Variants in CSNK1G1 observed in about 807,000 individuals in gnomAD.
CSNK1G1 encodes casein kinase 1 gamma 1, also known as casein kinase I isoform gamma-1.
Under a neutral mutation model 59.6 loss-of-function variants are expected in CSNK1G1, and 22 were observed. That is an observed-to-expected ratio of 0.37 (90% CI 0.26 to 0.53). CSNK1G1 has a LOEUF of 0.53. Among genes scored for constraint, CSNK1G1 ranks in the 20% least tolerant of loss-of-function variants. The pLI, the probability that CSNK1G1 is intolerant of heterozygous loss-of-function variation, is 0.89. For missense variants in CSNK1G1, 384 were observed against 519.5 expected, an observed-to-expected ratio of 0.74 and a Z score of 2.54; for synonymous variants, 179 against 177.1, an observed-to-expected ratio of 1.01 and a Z score of -0.08.
chr15:64,255,446 G>A (rs1252369662), intron 3 of CSNK1G1, among the ~76,000 whole-genome samples: 1 of 152,096 alleles, frequency 6.6e-6, no homozygotes. Context: ...TCATGCTGAT[G>A]TTGAACAAGT....
chr15:64,312,917 C>A (rs958070035), intron 1 of CSNK1G1, among the ~76,000 whole-genome samples: 1 of 151,938 alleles, frequency 6.6e-6, no homozygotes, highest in African/African-American at 2.4e-5. Flanking sequence ...AAGAAAAAAA[C>A]AAACAACCCC....
At chr15:64,346,609 C>G (rs1466782984) in intron 1 of CSNK1G1, among the ~76,000 whole-genome samples, 1 of 151,904 alleles carries the variant, frequency 6.6e-6, no homozygotes, top group Non-Finnish European at 1.5e-5. Flanking sequence ...AGACGCACAC[C>G]ACCACACCCG....
At chr15:64,338,981 C>A (rs1456202157) in intron 1 of CSNK1G1, among the ~76,000 whole-genome samples, 5 of 151,954 alleles carry the variant, frequency 3.3e-5, no homozygotes, top group African/African-American at 1.2e-4. Context: ...CACGCCACTG[C>A]ACTACAGCCT....
intron 2 of CSNK1G1, among the ~76,000 whole-genome samples, chr15:64,281,817 AAAG>A (rs1894154153): frequency 6.6e-6 from 1 of 151,992 alleles, no homozygotes; most frequent in Non-Finnish European, 1.5e-5. Context: ...AAAAAAAAGA[AAAG>A]AAAAAGTTCT....
chr15:64,222,437 C>CAAAAAAAA (rs1170075981), intron 4 of CSNK1G1, among the ~76,000 whole-genome samples: 4 of 68,984 alleles, frequency 5.8e-5, no homozygotes, highest in Non-Finnish European at 1.1e-4. Context: ...ACAACACCAC[C>CAAAAAAAA]AAAAAAAAAA....
At chr15:64,287,190 G>A (rs1894474327) in intron 2 of CSNK1G1, among the ~76,000 whole-genome samples, 1 of 152,110 alleles carries the variant, frequency 6.6e-6, no homozygotes, top group Admixed American at 6.6e-5. Flanking sequence ...CAAGCTGGTT[G>A]TTCTCCCTAG....
intron 4 of CSNK1G1, among the ~76,000 whole-genome samples, chr15:64,224,573 T>C (rs2082432187): frequency 6.6e-6 from 1 of 152,296 alleles, no homozygotes; most frequent in Non-Finnish European, 1.5e-5. Context: ...AAATGTCTCT[T>C]TGCAACATGA....
At chr15:64,280,815 T>C (rs1361368883) in intron 2 of CSNK1G1, among the ~76,000 whole-genome samples, 1 of 152,158 alleles carries the variant, frequency 6.6e-6, no homozygotes, top group Non-Finnish European at 1.5e-5. Flanking sequence ...CATTGATGAG[T>C]GAATGGCTAA....
intron 4 of CSNK1G1, among the ~76,000 whole-genome samples, chr15:64,245,904 G>C (rs937331845): frequency 1.3e-5 from 2 of 152,172 alleles, no homozygotes; most frequent in African/African-American, 4.8e-5. Context: ...TTAAAAAGTT[G>C]ATCTCATATA....
At position 64,334,673 on chromosome 15, in the gene CSNK1G1, G is replaced by A. The variant is rs191959667; in HGVS notation, c.-225+21315C>T. Among the ~76,000 whole-genome samples the A allele has an allele frequency of 2.5e-3, 387 of 152,210 alleles. 2 individuals carry two copies. Among genetic ancestry groups the A allele is most frequent in the Admixed American group, 5.3e-3 (81 of 15,272 alleles). ...ACGTGCAGTTCACAACAGGGTTCAC[G>A]CTCCTATGAGAATCTAATGCTGCCA... is the stretch of plus-strand genomic sequence containing the variant. On this transcript the variant is annotated intron_variant, in intron 1 of 11. Coordinates refer to ENST00000303052, the MANE Select transcript of CSNK1G1 (RefSeq NM_022048.5).
intron 1 of CSNK1G1, among the ~76,000 whole-genome samples, chr15:64,350,447 G>GC (rs1898225984): frequency 6.6e-6 from 1 of 151,744 alleles, no homozygotes; most frequent in Non-Finnish European, 1.5e-5. Flanking sequence ...CTTGCAGTGA[G>GC]CCAAGATCAC....
chr15:64,207,685 C>T, intron 6 of CSNK1G1, 91 bp from the exon 7 acceptor site: 1 of 917,780 alleles, frequency 1.1e-6, no homozygotes, highest in South Asian at 1.4e-5. Context: ...AACCCTTCGG[C>T]TCTGGAAAGG....
chr15:64,277,870 TAATA>T, intron 2 of CSNK1G1, among the ~76,000 whole-genome samples: 2 of 138,840 alleles, frequency 1.4e-5, no homozygotes, highest in African/African-American at 5.5e-5. Context: ...ATATATTTAA[TAATA>T]ATATTGATAT....
At chr15:64,230,050 T>C (rs1596129426) in intron 4 of CSNK1G1, among the ~76,000 whole-genome samples, 1 of 149,842 alleles carries the variant, frequency 6.7e-6, no homozygotes, top group African/African-American at 2.5e-5. Context: ...GCCTCTGGAG[T>C]AGCTGGGATT....
intron 10 of CSNK1G1, among the ~76,000 whole-genome samples, chr15:64,198,157 G>T (rs987595999): frequency 2.0e-5 from 3 of 149,910 alleles, no homozygotes; most frequent in Non-Finnish European, 4.4e-5. Context: ...GCTCTTTGAG[G>T]ACAAGGACTC....
At chr15:64,283,464 T>C (rs1651731610) in intron 2 of CSNK1G1, among the ~76,000 whole-genome samples, 1 of 152,104 alleles carries the variant, frequency 6.6e-6, no homozygotes, top group Non-Finnish European at 1.5e-5. Flanking sequence ...TGCCTCAGCC[T>C]CCTGAGTAAC....
intron 11 of CSNK1G1, among the ~76,000 whole-genome samples, chr15:64,179,911 G>C (rs1331304081): frequency 6.6e-6 from 1 of 152,162 alleles, no homozygotes; most frequent in Non-Finnish European, 1.5e-5. Context: ...TCATTTGAGA[G>C]TGAACAAAAT....
At chr15:64,225,207 C>G (rs1271282788) in intron 4 of CSNK1G1, among the ~76,000 whole-genome samples, 1 of 151,852 alleles carries the variant, frequency 6.6e-6, no homozygotes, top group Non-Finnish European at 1.5e-5. Flanking sequence ...TGGGGTTTCA[C>G]CATGTTAGCC....
chr15:64,301,935 T>C (rs1182208670), intron 1 of CSNK1G1, among the ~76,000 whole-genome samples: 1 of 151,082 alleles, frequency 6.6e-6, no homozygotes, highest in Non-Finnish European at 1.5e-5. Flanking sequence ...TTAGAACAAA[T>C]GTCAAATGTT....
Sources: gnomAD v4.1 joint callset for allele counts (sites outside exome capture counted in the v4.1 genomes callset) on GRCh38, gnomAD v4.1.1 for gene constraint, MANE v1.5 for transcripts, NCBI Gene and HGNC (gene_info 2026-07-23, HGNC 2026-07-21) for gene names.